The following TIAM2 variants were observed in gnomAD, a reference collection of about 807,000 sequenced individuals.
The protein encoded by TIAM2 is TIAM Rac1 associated GEF 2.
In TIAM2, 80 loss-of-function variants were observed where a neutral mutation model predicts 152.9. That is an observed-to-expected ratio of 0.52 (90% CI 0.44 to 0.63). The LOEUF (loss-of-function observed/expected upper bound fraction) is 0.63. Among genes scored for constraint, TIAM2 ranks in the 30% least tolerant of loss-of-function variants. TIAM2 has a pLI of 0.00. For missense variants in TIAM2, 1,965 were observed against 2,120.1 expected, an observed-to-expected ratio of 0.93 and a Z score of 1.44; for synonymous variants, 804 against 838.0, an observed-to-expected ratio of 0.96 and a Z score of 0.70.
chr6:155,159,890 G>A (rs536282889), intron 7 of TIAM2, among the ~76,000 whole-genome samples: 6 of 152,252 alleles, frequency 3.9e-5, no homozygotes, highest in Admixed American at 1.3e-4. Context: ...GAATAGATAC[G>A]TGAGTAAAGA....
chr6:155,094,502 G>C (rs531884165), intron 2 of TIAM2, among the ~76,000 whole-genome samples: 26 of 148,656 alleles, frequency 1.7e-4, no homozygotes, highest in Non-Finnish European at 3.4e-4. Context: ...AGTGGTTTCT[G>C]TGTCTTTAGA....
intron 15 of TIAM2, among the ~76,000 whole-genome samples, chr6:155,234,355 A>AT (rs1460617934): frequency 2.6e-5 from 4 of 152,218 alleles, no homozygotes; most frequent in South Asian, 2.1e-4. Flanking sequence ...TGGTGTCATC[A>AT]TAACTCACTG....
intron 1 of TIAM2, among the ~76,000 whole-genome samples, chr6:155,054,667 C>T (rs1223317915): frequency 6.6e-6 from 1 of 151,904 alleles, no homozygotes; most frequent in Non-Finnish European, 1.5e-5. Flanking sequence ...TGCAACCTCC[C>T]GCCCCCTGGG....
At chr6:155,188,301 G>C (rs1351003609) in intron 14 of TIAM2, among the ~76,000 whole-genome samples, 3 of 152,226 alleles carry the variant, frequency 2.0e-5, no homozygotes, top group African/African-American at 7.2e-5. Context: ...AGAACTTCCA[G>C]CATTCACCAG....
intron 2 of TIAM2, among the ~76,000 whole-genome samples, chr6:155,110,318 C>CTTTTTTTTTTTTTTTTTT (rs67332964): frequency 2.2e-5 from 3 of 133,798 alleles, no homozygotes; most frequent in African/African-American, 8.3e-5. Context: ...TCTTTCTTTT[C>CTTTTTTTTTTTTTTTTTT]TTTTTTTTTT....
chr6:155,176,833 T>TA lies in TIAM2; in HGVS notation c.2380dup (p.Ile794AsnfsTer67), dbSNP rs764522228. The TA allele has an allele frequency of 4.5e-5, 73 of 1,612,096 alleles. 1 individual carries two copies. In the Admixed American group the frequency reaches 1.0e-3, roughly 22 times the overall value. On this transcript the variant is annotated frameshift_variant, in exon 10 of 27. Transcript: ENST00000682666. LOFTEE classifies it high-confidence loss of function. ...ACAAACAGGTCGATGAACTTCTGCA[T>TA]ATATATGGTTCAACAGTAGACGGTG...
At chr6:155,114,061 T>A (rs1778950248) in intron 2 of TIAM2, among the ~76,000 whole-genome samples, 1 of 105,942 alleles carries the variant, frequency 9.4e-6, no homozygotes, top group African/African-American at 3.9e-5. Flanking sequence ...TTTTTTTTTT[T>A]TTTTTTTTTT....
chr6:155,004,689 C>G (rs1300341860), intron 1 of TIAM2: 1 of 152,226 alleles, frequency 6.6e-6, no homozygotes, highest in Non-Finnish European at 1.5e-5. Context: ...CCACTGCGCC[C>G]GGCCTCTTAA....
chr6:155,112,260 G>T, intron 2 of TIAM2, among the ~76,000 whole-genome samples: 1 of 151,772 alleles, frequency 6.6e-6, no homozygotes, highest in East Asian at 1.9e-4. Context: ...CAAGCAGCTG[G>T]GATTACAGGC....
chr6:155,119,037 CCTTT>C (rs1316396797), intron 2 of TIAM2, among the ~76,000 whole-genome samples: 2 of 151,476 alleles, frequency 1.3e-5, no homozygotes, highest in Admixed American at 6.6e-5. Context: ...CATTCCTTTC[CCTTT>C]CTTTTTTTTT....
rs1254731029 is a variant in TIAM2 at position 155,213,163 on chromosome 6, C to G, written c.3168+1856C>G. ...CCTGTTTGTGTTGTAGCTCTTTCAG[C>G]CCTGCCGTTAGGCAGGTCCCGAATT... On this transcript the variant is annotated intron_variant, in intron 15 of 26. Transcript: ENST00000682666. This position sits in a 1 kb window ranked among gnomAD's most constrained non-coding sequence, Gnocchi z 4.2. Among the ~76,000 whole-genome samples the G allele has an allele frequency of 6.6e-6, 1 of 152,194 alleles. No homozygotes were observed. Among genetic ancestry groups the G allele is most frequent in the Non-Finnish European group, 1.5e-5 (1 of 68,046 alleles).
At chr6:155,208,947 C>T (rs73577434) in intron 14 of TIAM2, among the ~76,000 whole-genome samples, 17,701 of 151,980 alleles carry the variant, frequency 0.12, 1,965 homozygotes, top group African/African-American at 0.26. Flanking sequence ...TTACTCAGGA[C>T]ACTTCCAGTC....
At chr6:155,089,279 G>A (rs896314839) in intron 1 of TIAM2, among the ~76,000 whole-genome samples, 32 of 151,972 alleles carry the variant, frequency 2.1e-4, no homozygotes, top group South Asian at 8.3e-4. Context: ...GTGCAGTGGC[G>A]CTATCTCAGC....
At chr6:155,134,404 C>T (rs1465537618) in intron 4 of TIAM2, among the ~76,000 whole-genome samples, 2 of 145,534 alleles carry the variant, frequency 1.4e-5, no homozygotes, top group Non-Finnish European at 3.0e-5. Context: ...CCCACCCCCC[C>T]CCATTTCTGA....
intron 1 of TIAM2, among the ~76,000 whole-genome samples, chr6:155,066,088 T>C (rs1330352714): frequency 2.6e-5 from 4 of 152,198 alleles, no homozygotes; most frequent in African/African-American, 9.6e-5. Context: ...AAATGGGCTG[T>C]TTCTCCGCCA....
At chr6:155,203,584 A>T (rs1275887365) in intron 14 of TIAM2, among the ~76,000 whole-genome samples, 2 of 152,178 alleles carry the variant, frequency 1.3e-5, no homozygotes, top group African/African-American at 4.8e-5. Flanking sequence ...ACTTAATTAA[A>T]CCATTTATTA....
At chr6:155,104,962 TC>T (rs1778648171) in intron 2 of TIAM2, among the ~76,000 whole-genome samples, 1 of 152,044 alleles carries the variant, frequency 6.6e-6, no homozygotes, top group South Asian at 2.1e-4. Context: ...GATATGTAGA[TC>T]CTTTTTCTTT....
At chr6:155,252,634 A>G (rs764957139) in intron 23 of TIAM2, among the ~76,000 whole-genome samples, 11 of 152,214 alleles carry the variant, frequency 7.2e-5, no homozygotes, top group Non-Finnish European at 1.0e-4. Flanking sequence ...GAAAAAAGCA[A>G]AGCCTAGCTG....
At chr6:155,013,319 T>C (rs1263951809) in intron 1 of TIAM2, among the ~76,000 whole-genome samples, 1 of 152,226 alleles carries the variant, frequency 6.6e-6, no homozygotes. Flanking sequence ...GTAAGTTCTC[T>C]GTATTCCGAG....
Sources: allele counts gnomAD v4.1 joint callset (sites outside exome capture counted in the v4.1 genomes callset), GRCh38; gene constraint gnomAD v4.1.1; non-coding constraint Gnocchi (gnomAD v3.1); transcripts MANE v1.5; gene names NCBI Gene and HGNC (gene_info 2026-07-23, HGNC 2026-07-21).